CADM1: variants seen among roughly 807,000 people sequenced by gnomAD.
CADM1 encodes TSLC-1.
A neutral mutation model predicts 53.1 loss-of-function variants in CADM1; 15 were observed. The observed-to-expected ratio is 0.28, with a 90% confidence interval of 0.19 to 0.44. The LOEUF (loss-of-function observed/expected upper bound fraction) is 0.44, where lower values mean the gene tolerates loss of function less well. CADM1 is among the 20% of genes least tolerant of loss of function. CADM1 has a pLI of 1.00. For missense variants in CADM1, 434 were observed against 611.3 expected (o/e 0.71, Z 3.06); for synonymous variants, 281 against 243.0 (o/e 1.16, Z -1.45).
At chr11:115,180,121 C>CG (rs1175232913) in intron 10 of CADM1, among the ~76,000 whole-genome samples, 1 of 152,006 alleles carries the variant, frequency 6.6e-6, no homozygotes, top group Non-Finnish European at 1.5e-5. Context: ...TCTTTTGAGC[C>CG]GAAACCTGAT....
At chr11:115,347,932 G>A (rs1291767637) in intron 1 of CADM1, among the ~76,000 whole-genome samples, 1 of 152,130 alleles carries the variant, frequency 6.6e-6, no homozygotes, top group Non-Finnish European at 1.5e-5. Flanking sequence ...AAAAACATTT[G>A]ACAAAGTGGT....
At chr11:115,221,143 G>A (rs1941391044) in intron 5 of CADM1, among the ~76,000 whole-genome samples, 1 of 152,134 alleles carries the variant, frequency 6.6e-6, no homozygotes, top group African/African-American at 2.4e-5. Flanking sequence ...TGCAATAACT[G>A]CCCAGAAATG....
At position 115,403,813 on chromosome 11, in the gene CADM1, TCTCGAACTCCTGAC is replaced by T. The variant is rs538302637; in HGVS notation, c.124+100444_124+100457del. Among the ~76,000 whole-genome samples the T allele has an allele frequency of 6.4e-3, 972 of 151,080 alleles. 4 individuals carry two copies. The highest frequency in any genetic ancestry group is 0.022 in the African/African-American group (916 of 41,268). On this transcript the variant is annotated intron_variant, in intron 1 of 11. Coordinates refer to ENST00000331581, the MANE Select transcript of CADM1 (RefSeq NM_001301043.2). The stretch of plus-strand genomic sequence containing the variant: ...GGTTTCACCATGTTGGCCAGGCTGG[TCTCGAACTCCTGAC>T]CTCAAGTGATCTGCCCTCCACAGCC...
Position 115,175,540 on chromosome 11 carries a change from CCCCT to C in CADM1, c.*930_*933del. 1.0e-6 allele frequency: 1 copy of C among 985,490 alleles called. No homozygotes were observed. Among genetic ancestry groups the C allele is most frequent in the Non-Finnish European group, 1.2e-6 (1 of 829,984 alleles). 61.0% of individuals were successfully genotyped at this position (985,490 alleles called of 1,614,324 possible). A position where few individuals can be genotyped will look rare whatever the true frequency, so the allele number is the denominator to read the frequency against. On this transcript the variant is annotated 3_prime_UTR_variant, in exon 12 of 12. Transcript: ENST00000331581. ...AACTGTATTTCCCCCCTCCCTACTT[CCCCT>C]CCTGTGGCAACTCAAAATTTGTCCA...
Position 115,176,311 on chromosome 11 carries a change from C to CT in CADM1, c.*162_*163insA. 2 of 1,481,758 alleles carry CT rather than the reference C, an allele frequency of 1.3e-6. No homozygotes were observed. The highest frequency in any genetic ancestry group is 1.8e-6 in the Non-Finnish European group (2 of 1,111,050). The allele number at this position is 1,481,758 out of a possible 1,614,324, so 91.8% of individuals were successfully genotyped here. On this transcript the variant is annotated 3_prime_UTR_variant, in exon 12 of 12. Coordinates refer to ENST00000331581, the MANE Select transcript of CADM1 (RefSeq NM_001301043.2). ...ACAGCAGAGTGTACTTTCCAAAGAA[C>CT]ATTTTTTTTTTTTTTACACAGCAAA...
chr11:115,387,298 T>A (rs1378567517), intron 1 of CADM1, among the ~76,000 whole-genome samples: 1 of 151,654 alleles, frequency 6.6e-6, no homozygotes, highest in Non-Finnish European at 1.5e-5. Context: ...TTATACAGAG[T>A]TTTGAATTTG....
chr11:115,406,481 G>C (rs111293798), intron 1 of CADM1, among the ~76,000 whole-genome samples: 87 of 148,016 alleles, frequency 5.9e-4, no homozygotes, highest in African/African-American at 1.8e-3. Flanking sequence ...ACTTTTAAAA[G>C]GCATCTGCAT....
chr11:115,504,350 T>TGCC lies in CADM1; in HGVS notation c.42_44dup (p.Ala20dup). On this transcript the variant is annotated inframe_insertion, in exon 1 of 12. Coordinates refer to ENST00000331581, the MANE Select transcript of CADM1 (RefSeq NM_001301043.2). ...GCCCGGGAGGCGCCGCCGCCGCCGC[T>TGCC]GCCGCCGCACACTGGGATCCGCTCG... The TGCC allele has an allele frequency of 6.5e-7, 1 of 1,548,730 alleles. No homozygotes were observed. Among genetic ancestry groups the TGCC allele is most frequent in the Non-Finnish European group, 8.7e-7 (1 of 1,146,286 alleles).
chr11:115,379,536 A>G (rs532830354), intron 1 of CADM1, among the ~76,000 whole-genome samples: 1 of 152,364 alleles, frequency 6.6e-6, no homozygotes, highest in African/African-American at 2.4e-5. Context: ...AAAGAAGCTC[A>G]CAATATTCAC....
At chr11:115,304,772 CT>C (rs1457998092) in intron 1 of CADM1, among the ~76,000 whole-genome samples, 2 of 152,006 alleles carry the variant, frequency 1.3e-5, no homozygotes, top group African/African-American at 4.8e-5. Flanking sequence ...AAATTCACAA[CT>C]CAAATTAAAA....
chr11:115,500,656 A>C (rs1949708798), intron 1 of CADM1, among the ~76,000 whole-genome samples: 1 of 152,262 alleles, frequency 6.6e-6, no homozygotes, highest in Non-Finnish European at 1.5e-5. Context: ...ATTCACTATC[A>C]ACCACTTCTT....
At chr11:115,481,136 C>CCTTA (rs1949249910) in intron 1 of CADM1, among the ~76,000 whole-genome samples, 2 of 152,154 alleles carry the variant, frequency 1.3e-5, no homozygotes, top group South Asian at 4.1e-4. Context: ...CCTCACCCTA[C>CCTTA]CTTTACCAGT....
intron 1 of CADM1, among the ~76,000 whole-genome samples, chr11:115,451,748 A>G (rs1280060975): frequency 6.6e-6 from 1 of 152,178 alleles, no homozygotes; most frequent in Non-Finnish European, 1.5e-5. Context: ...ATTTAGGCAT[A>G]TAAGAGGAGG....
chr11:115,341,311 C>T (rs980996873), intron 1 of CADM1, among the ~76,000 whole-genome samples: 2 of 152,060 alleles, frequency 1.3e-5, no homozygotes, highest in African/African-American at 2.4e-5. Flanking sequence ...TAGGTGGCCT[C>T]CTCATGAGCT....
At chr11:115,462,173 T>C (rs1241791880) in intron 1 of CADM1, among the ~76,000 whole-genome samples, 2 of 152,068 alleles carry the variant, frequency 1.3e-5, no homozygotes, top group Non-Finnish European at 2.9e-5. Flanking sequence ...AAGAAGATAA[T>C]GCTTAACTAA....
At chr11:115,195,341 A>G (rs941816316) in intron 9 of CADM1, among the ~76,000 whole-genome samples, 2 of 152,250 alleles carry the variant, frequency 1.3e-5, no homozygotes, top group Non-Finnish European at 2.9e-5. Context: ...AACTTCATAC[A>G]TACTCTAGCA....
intron 1 of CADM1, among the ~76,000 whole-genome samples, chr11:115,425,006 C>T (rs961384304): frequency 1.3e-5 from 2 of 152,028 alleles, no homozygotes; most frequent in East Asian, 1.9e-4. Flanking sequence ...CAATGCACCC[C>T]GATTCTGTAA....
intron 1 of CADM1, among the ~76,000 whole-genome samples, chr11:115,374,760 C>G (rs2135135725): frequency 6.6e-6 from 1 of 151,972 alleles, no homozygotes; most frequent in Non-Finnish European, 1.5e-5. Flanking sequence ...ACATAATAAG[C>G]AAAATCAGAC....
At chr11:115,230,704 T>G (rs1283680613) in intron 4 of CADM1, among the ~76,000 whole-genome samples, 1 of 152,304 alleles carries the variant, frequency 6.6e-6, no homozygotes, top group African/African-American at 2.4e-5. Flanking sequence ...GGAGCTGCCT[T>G]GTACTGTCAT....
Sources: allele counts gnomAD v4.1 joint callset (sites outside exome capture counted in the v4.1 genomes callset), GRCh38; gene constraint gnomAD v4.1.1; transcripts MANE v1.5; gene names NCBI Gene and HGNC (gene_info 2026-07-23, HGNC 2026-07-21).